Variants in SYNGR1 observed in about 807,000 individuals in gnomAD.
SYNGR1 encodes synaptogyrin-1.
In SYNGR1, 14 loss-of-function variants were observed where a neutral mutation model predicts 26.1. That is an observed-to-expected ratio of 0.54 (90% CI 0.35 to 0.84). SYNGR1 has a LOEUF of 0.84. Ranked by LOEUF, SYNGR1 falls within the 40% of genes least tolerant of loss-of-function variation. The pLI, the probability that SYNGR1 is intolerant of heterozygous loss-of-function variation, is 0.01. For synonymous variants in SYNGR1, 141 were observed against 150.1 expected, an observed-to-expected ratio of 0.94 and a Z score of 0.44; for missense variants, 319 against 332.9, an observed-to-expected ratio of 0.96 and a Z score of 0.33.
chr22:39,356,790 G>A (rs1924165095), intron 1 of SYNGR1, among the ~76,000 whole-genome samples: 1 of 152,166 alleles, frequency 6.6e-6, no homozygotes, highest in Non-Finnish European at 1.5e-5. Flanking sequence ...GTGATTGGCT[G>A]TGTGACTGGA....
Position 39,376,186 on chromosome 22 carries a change from A to C in SYNGR1, c.472A>C (p.Ile158Leu). 1.9e-6 allele frequency: 3 copies of C among 1,613,886 alleles called. No individual in the cohort carries two copies. The highest frequency in any genetic ancestry group is 2.5e-6 in the Non-Finnish European group (3 of 1,179,978). ...CGCCATCGCCTTCTCCTTTTTCTCCATCTTCACCTGGGTGAGTACAGCCAC... is the reference window on the plus strand; with the variant it reads ...CGCCATCGCCTTCTCCTTTTTCTCCCTCTTCACCTGGGTGAGTACAGCCAC... ...RAAIAFSFFS[I>L]FTWAGQAVLA... The change falls in exon 3 of 4, where the codon ATC becomes CTC. Residue 158 changes from isoleucine (I) to leucine (L), a missense_variant. Coordinates refer to ENST00000328933, the MANE Select transcript of SYNGR1 (RefSeq NM_004711.5).
At chr22:39,364,386 T>C in intron 1 of SYNGR1, 2 of 1,598,546 alleles carry the variant, frequency 1.3e-6, no homozygotes, top group Non-Finnish European at 1.7e-6. Flanking sequence ...AGTATAAGAC[T>C]GCTTTGTGGG....
At chr22:39,369,887 T>C (rs1436405400) in intron 1 of SYNGR1, among the ~76,000 whole-genome samples, 1 of 152,204 alleles carries the variant, frequency 6.6e-6, no homozygotes, top group Non-Finnish European at 1.5e-5. Flanking sequence ...GGCTGAACCA[T>C]GGGCTGAACA....
Position 39,376,070 on chromosome 22 carries a change from G to C in SYNGR1, c.356G>C (p.Trp119Ser). ...IGVSAFWAFL[W>S]FVGFCYLANQ... ...CCCCCAGCCTTCTGGGCTTTCCTCT[G>C]GTTCGTGGGATTCTGCTACCTGGCC... is the stretch of plus-strand genomic sequence containing the variant. The change falls in exon 3 of 4, where the codon TGG (tryptophan) becomes TCG (serine). Residue 119 changes from tryptophan (W) to serine (S), a missense_variant. Physicochemically the swap from Trp to Ser is radical, Grantham distance 177. Transcript: ENST00000328933. 9.9e-6 allele frequency: 16 copies of C among 1,614,066 alleles called. No homozygotes were observed. Among genetic ancestry groups the C allele is most frequent in the Non-Finnish European group, 1.4e-5 (16 of 1,180,016 alleles).
At chr22:39,366,649 A>T (rs1159828462) in intron 1 of SYNGR1, among the ~76,000 whole-genome samples, 1 of 151,358 alleles carries the variant, frequency 6.6e-6, no homozygotes, top group Non-Finnish European at 1.5e-5. Flanking sequence ...CCATCTCAAA[A>T]ATATATATAT....
rs142884306 is a variant in SYNGR1 at position 39,350,181 on chromosome 22, ACCGACC to A, written c.99+87_99+92del. The A allele has an allele frequency of 0.47, 451,452 of 952,614 alleles. 118,836 individuals are homozygous for A. Among genetic ancestry groups the A allele is most frequent in the African/African-American group, 0.56 (31,700 of 56,154 alleles). 59.0% of individuals were successfully genotyped at this position (952,614 alleles called of 1,614,324 possible). A position where few individuals can be genotyped will look rare whatever the true frequency, so the allele number is the denominator to read the frequency against. On this transcript the variant is annotated intron_variant, in intron 1 of 3. Coordinates refer to ENST00000328933, the MANE Select transcript of SYNGR1 (RefSeq NM_004711.5). The surrounding 1 kb of genome is among the most constrained non-coding windows in gnomAD (Gnocchi z 4.3). The stretch of plus-strand genomic sequence containing the variant: ...GTGTGAGCAAAGGCGGCGCGCCCGG[ACCGACC>A]CCGACCCCGACCCCAACGGGCCCCC...
intron 1 of SYNGR1, among the ~76,000 whole-genome samples, chr22:39,363,223 G>A (rs1057272644): frequency 3.9e-5 from 6 of 151,994 alleles, no homozygotes; most frequent in South Asian, 2.1e-4. Context: ...CTGGCGTTTG[G>A]TGGGGGAAGG....
rs966886298 is a variant in SYNGR1, at chr22:39,350,960, C to G, written c.99+851C>G. On this transcript the variant is annotated intron_variant, in intron 1 of 3. Transcript: ENST00000328933. This position sits in a 1 kb window ranked among gnomAD's most constrained non-coding sequence, Gnocchi z 4.3. Reference sequence around the variant, plus strand: ...CTCCAGCCTAGCTGGGGGGCAGGGTCCTCAGTGCAGAGGGCTGAGTGGGCT... The same window carrying G: ...CTCCAGCCTAGCTGGGGGGCAGGGTGCTCAGTGCAGAGGGCTGAGTGGGCT... Among the ~76,000 whole-genome samples the G allele has an allele frequency of 1.3e-5, 2 of 152,134 alleles. No homozygotes were observed. Among genetic ancestry groups the G allele is most frequent in the Non-Finnish European group, 2.9e-5 (2 of 68,030 alleles).
intron 3 of SYNGR1, chr22:39,377,217 G>T: frequency 7.0e-7 from 1 of 1,434,992 alleles, no homozygotes; most frequent in Non-Finnish European, 9.1e-7. Context: ...CTTTTTGAGG[G>T]CCCCTGGATA....
In SYNGR1 at chr22:39,350,053, T is replaced by C; in HGVS notation, c.43T>C (p.Phe15Leu). ...CGGAGCGGGCAAAGCCGGGGGCGCC[T>C]TCGACCCCTACACCCTGGTCCGGCA... ...AYGAGKAGGA[F>L]DPYTLVRQPH... is the part of the protein sequence containing the mutation. The change falls in exon 1 of 4, where the codon TTC becomes CTC. Residue 15 changes from phenylalanine to leucine, a missense_variant. Physicochemically the swap from Phe to Leu is conservative, Grantham distance 22. Transcript: ENST00000328933. The surrounding 1 kb of genome is among the most constrained non-coding windows in gnomAD (Gnocchi z 4.3). 1.4e-6 allele frequency: 2 copies of C among 1,434,406 alleles called. No homozygotes were observed. Among genetic ancestry groups the C allele is most frequent in the Non-Finnish European group, 1.9e-6 (2 of 1,077,252 alleles). 88.9% of individuals were successfully genotyped at this position (1,434,406 alleles called of 1,614,324 possible).
chr22:39,370,864 A>G (rs1038128160), intron 1 of SYNGR1, among the ~76,000 whole-genome samples: 1 of 150,578 alleles, frequency 6.6e-6, no homozygotes, highest in African/African-American at 2.4e-5. Flanking sequence ...CAAGTGATCT[A>G]CCCATCTTGG....
At chr22:39,381,550 G>A in intron 3 of SYNGR1, 146 bp from the exon 4 acceptor site, 1 of 786,252 alleles carries the variant, frequency 1.3e-6, no homozygotes, top group Non-Finnish European at 2.1e-6. Flanking sequence ...AGCCAAGCTT[G>A]GTCTCATGTT....
intron 1 of SYNGR1, chr22:39,364,281 C>G (rs754758729): frequency 6.2e-7 from 1 of 1,613,704 alleles, no homozygotes; most frequent in African/African-American, 1.3e-5. Flanking sequence ...GCTGGAGGAG[C>G]AGGCCCGGAT....
intron 3 of SYNGR1, chr22:39,377,519 C>A (rs1190439503): frequency 6.4e-6 from 10 of 1,568,922 alleles, no homozygotes; most frequent in South Asian, 1.2e-5. Flanking sequence ...GGTGCCTGCC[C>A]GGCCCCCTGA....
chr22:39,376,239 T>TC (rs1462251861), intron 3 of SYNGR1, 42 bp downstream of exon 3: 2 of 1,613,368 alleles, frequency 1.2e-6, no homozygotes, highest in Non-Finnish European at 8.5e-7. Flanking sequence ...TCGTCCCCTT[T>TC]CCCCACTGAG....
intron 1 of SYNGR1, among the ~76,000 whole-genome samples, chr22:39,353,696 C>G (rs1045233284): frequency 2.0e-5 from 3 of 152,192 alleles, no homozygotes; most frequent in African/African-American, 7.2e-5. Context: ...CTGTCAGTGA[C>G]TCATTTCTTT....
At chr22:39,366,752 G>C (rs1319818622) in intron 1 of SYNGR1, among the ~76,000 whole-genome samples, 1 of 152,130 alleles carries the variant, frequency 6.6e-6, no homozygotes, top group Non-Finnish European at 1.5e-5. Flanking sequence ...TCCTGTCTGG[G>C]CTGCTTGCAT....
chr22:39,366,795 A>G (rs948825121), intron 1 of SYNGR1, among the ~76,000 whole-genome samples: 2 of 152,016 alleles, frequency 1.3e-5, no homozygotes, highest in African/African-American at 4.8e-5. Flanking sequence ...TTCTCTCCAT[A>G]GCAGCCGGTC....
At chr22:39,375,885 C>T in intron 2 of SYNGR1, 167 bp from the exon 3 acceptor site, 1 of 889,422 alleles carries the variant, frequency 1.1e-6, no homozygotes, top group Non-Finnish European at 1.9e-6. Context: ...TCTCTTGGCT[C>T]CCCTCTCTCT....
Sources: gnomAD v4.1 joint callset for allele counts (sites outside exome capture counted in the v4.1 genomes callset) on GRCh38, gnomAD v4.1.1 for gene constraint, Gnocchi (gnomAD v3.1) non-coding constraint, MANE v1.5 for transcripts, NCBI Gene and HGNC (gene_info 2026-07-23, HGNC 2026-07-21) for gene names.